The following OPCML variants were observed in gnomAD, a reference collection of about 807,000 sequenced individuals.
OPCML encodes opioid-binding protein/cell adhesion molecule.
OPCML carries 13 observed loss-of-function variants against 37.8 expected under a neutral mutation model. The observed-to-expected ratio is 0.34, with a 90% CI of 0.22 to 0.55. The LOEUF (loss-of-function observed/expected upper bound fraction) is 0.55, where lower values mean the gene tolerates loss of function less well. Among genes scored for constraint, OPCML ranks in the 20% least tolerant of loss-of-function variants. The probability of loss-of-function intolerance (pLI) is 0.91; values close to 1 mark genes in which losing one functional copy is unlikely to be tolerated. For synonymous variants in OPCML, 176 were observed against 168.8 expected (o/e 1.04, Z -0.33); for missense variants, 341 against 435.6 (o/e 0.78, Z 1.93).
chr11:132,948,384 A>G (rs766633180), intron 1 of OPCML, among the ~76,000 whole-genome samples: 3 of 152,186 alleles, frequency 2.0e-5, no homozygotes, highest in Non-Finnish European at 4.4e-5. Flanking sequence ...TTAGGATTGT[A>G]AAGTTTGAAT....
At chr11:132,452,727 A>T (rs1367045589) in intron 4 of OPCML, among the ~76,000 whole-genome samples, 2 of 151,870 alleles carry the variant, frequency 1.3e-5, no homozygotes, top group African/African-American at 4.8e-5. Context: ...TAAGCCTACC[A>T]CTAAGGACTA....
chr11:133,250,503 G>A (rs1030924860), intron 1 of OPCML, among the ~76,000 whole-genome samples: 10 of 139,470 alleles, frequency 7.2e-5, no homozygotes, highest in African/African-American at 2.1e-4. Context: ...AGGGAGGAAG[G>A]GAGGGAGAGA....
In OPCML at chr11:133,006,022, T is replaced by C. The variant is rs564016565; in HGVS notation, c.62-63012A>G. 1.6e-5 allele frequency: 16 copies of C among 985,178 alleles called. No homozygotes were observed. The East Asian group carries it at 1.8e-3, about 112-fold the overall frequency. 61.0% of individuals were successfully genotyped at this position (985,178 alleles called of 1,614,324 possible). A position where few individuals can be genotyped will look rare whatever the true frequency, so the allele number is the denominator to read the frequency against. The stretch of plus-strand genomic sequence containing the variant: ...CCTTCTCTTTTCCTTCTGAGCGGAG[T>C]GTGGCCTTCGTAGGGAGAGCCATCC... On this transcript the variant is annotated intron_variant, in intron 1 of 7. Coordinates refer to ENST00000524381, the MANE Select transcript of OPCML (RefSeq NM_001012393.5).
intron 1 of OPCML, among the ~76,000 whole-genome samples, chr11:133,419,616 T>C (rs1440754574): frequency 1.3e-5 from 2 of 152,184 alleles, no homozygotes; most frequent in African/African-American, 4.8e-5. Context: ...TGTGCCCCCT[T>C]CTGAACTCTG....
chr11:132,652,406 T>C (rs968688517), intron 3 of OPCML, among the ~76,000 whole-genome samples: 1 of 139,888 alleles, frequency 7.1e-6, no homozygotes, highest in Non-Finnish European at 1.5e-5. Flanking sequence ...ATCCTGAAAA[T>C]GTTCCATTGA....
intron 1 of OPCML, among the ~76,000 whole-genome samples, chr11:133,315,199 C>A (rs1943177125): frequency 6.6e-6 from 1 of 152,056 alleles, no homozygotes; most frequent in Non-Finnish European, 1.5e-5. Context: ...ATCTACTTTT[C>A]CTTTTGTAAA....
At chr11:133,320,998 T>G (rs2136620723) in intron 1 of OPCML, among the ~76,000 whole-genome samples, 1 of 152,244 alleles carries the variant, frequency 6.6e-6, no homozygotes, top group African/African-American at 2.4e-5. Flanking sequence ...AGGAGACAGC[T>G]GGAGTCCCCC....
At position 133,118,760 on chromosome 11, in the gene OPCML, C is replaced by T. The variant is rs573475080; in HGVS notation, c.62-175750G>A. Among the ~76,000 whole-genome samples the T allele has an allele frequency of 2.6e-5, 4 of 152,244 alleles. No homozygotes were observed. In the East Asian group the frequency reaches 7.7e-4, roughly 29 times the overall value. ...TCCTTGAGGTGGCGGAGGCAGGAAGCTGGCTGACAGCTAAGTATTCCTGGC... is the reference window on the plus strand; with the variant it reads ...TCCTTGAGGTGGCGGAGGCAGGAAGTTGGCTGACAGCTAAGTATTCCTGGC... On this transcript the variant is annotated intron_variant, in intron 1 of 7. Coordinates refer to ENST00000524381, the MANE Select transcript of OPCML (RefSeq NM_001012393.5).
chr11:132,613,179 G>A (rs1159739693), intron 3 of OPCML, among the ~76,000 whole-genome samples: 1 of 152,162 alleles, frequency 6.6e-6, no homozygotes, highest in Non-Finnish European at 1.5e-5. Flanking sequence ...AGCCTCCTAA[G>A]ACTAGGCCGA....
rs1485682201 is a variant in OPCML at position 132,506,611 on chromosome 11, G to A, written c.505+22450C>T. 3.9e-5 allele frequency among the ~76,000 whole-genome samples: 6 copies of A among 152,252 alleles called. No individual in the cohort carries two copies. In the South Asian group the frequency reaches 1.2e-3, roughly 32 times the overall value. The stretch of plus-strand genomic sequence containing the variant: ...ATAGGAAGGAGGATGAAAGGAGGCT[G>A]CCGCAATTCTTACCTCCCATAGAGG... On this transcript the variant is annotated intron_variant, in intron 4 of 7. Transcript: ENST00000524381.
chr11:133,349,960 T>C (rs1342260423), intron 1 of OPCML, among the ~76,000 whole-genome samples: 2 of 152,220 alleles, frequency 1.3e-5, no homozygotes, highest in African/African-American at 4.8e-5. Context: ...CACAGGTCAA[T>C]GGTCTGTTCT....
Position 133,206,467 on chromosome 11 carries a change from T to A in OPCML, c.62-263457A>T, listed in dbSNP as rs894708146. On this transcript the variant is annotated intron_variant, in intron 1 of 7. Transcript: ENST00000524381. The surrounding 1 kb of genome is among the most constrained non-coding windows in gnomAD (Gnocchi z 4.7). ...AAGGCCCTTTCAGCTCTTGAACTGCTGGATTCTATGATTCTTCCGTTAAAG... is the reference window on the plus strand; with the variant it reads ...AAGGCCCTTTCAGCTCTTGAACTGCAGGATTCTATGATTCTTCCGTTAAAG... Among the ~76,000 whole-genome samples, 3 of 152,220 alleles carry A rather than the reference T, an allele frequency of 2.0e-5. No individual in the cohort carries two copies. The highest frequency in any genetic ancestry group is 6.5e-5 in the Admixed American group (1 of 15,288).
intron 1 of OPCML, among the ~76,000 whole-genome samples, chr11:133,041,784 T>C (rs898074666): frequency 5.3e-5 from 8 of 152,188 alleles, no homozygotes; most frequent in Admixed American, 3.9e-4. Context: ...AAAACCTCCC[T>C]GAAGTCACAG....
At chr11:132,744,122 G>A (rs910969661) in intron 2 of OPCML, among the ~76,000 whole-genome samples, 2 of 152,110 alleles carry the variant, frequency 1.3e-5, no homozygotes, top group Non-Finnish European at 2.9e-5. Flanking sequence ...ATATATTATG[G>A]CTCATGCAAA....
chr11:133,305,724 A>G (rs2155536), intron 1 of OPCML, among the ~76,000 whole-genome samples: 96,030 of 151,994 alleles, frequency 0.63, 31,535 homozygotes, highest in East Asian at 0.85. Context: ...ATGTTCCCAG[A>G]GCATCCTGGG....
intron 2 of OPCML, among the ~76,000 whole-genome samples, chr11:132,805,904 G>T (rs1338257688): frequency 6.6e-6 from 1 of 152,170 alleles, no homozygotes; most frequent in East Asian, 1.9e-4. Flanking sequence ...GCTATTTATA[G>T]CAAAAATAAT....
intron 1 of OPCML, among the ~76,000 whole-genome samples, chr11:133,020,829 A>C (rs1947437380): frequency 6.6e-6 from 1 of 152,222 alleles, no homozygotes; most frequent in Admixed American, 6.5e-5. Context: ...ACGCCAATTA[A>C]AACAAATCTC....
At chr11:132,648,238 C>T (rs189139604) in intron 3 of OPCML, among the ~76,000 whole-genome samples, 1 of 152,282 alleles carries the variant, frequency 6.6e-6, no homozygotes, top group East Asian at 1.9e-4. Context: ...AGTTTATGAA[C>T]ATTTACTAAT....
chr11:133,096,095 CAA>C (rs952541964), intron 1 of OPCML, among the ~76,000 whole-genome samples: 4 of 150,292 alleles, frequency 2.7e-5, no homozygotes, highest in African/African-American at 7.4e-5. Context: ...ATGTTTTTTT[CAA>C]AGTTATAATA....
Sources: allele counts gnomAD v4.1 joint callset (sites outside exome capture counted in the v4.1 genomes callset), GRCh38; gene constraint gnomAD v4.1.1; non-coding constraint Gnocchi (gnomAD v3.1); transcripts MANE v1.5; gene names NCBI Gene and HGNC (gene_info 2026-07-23, HGNC 2026-07-21).